FAM114A1: variants seen among roughly 807,000 people sequenced by gnomAD.
FAM114A1 encodes the protein family with sequence similarity 114 member A1.
In FAM114A1, 62 loss-of-function variants were observed where a neutral mutation model predicts 64.3. The ratio of observed to expected loss-of-function variants is 0.96; its 90% confidence interval spans 0.79 to 1.19. The LOEUF (loss-of-function observed/expected upper bound fraction) is 1.19. Ranked by LOEUF, FAM114A1 falls within the 50% of genes most tolerant of loss-of-function variation. FAM114A1 has a pLI of 0.00. For missense variants in FAM114A1, 645 were observed against 676.3 expected (o/e 0.95, Z 0.51); for synonymous variants, 254 against 251.1 (o/e 1.01, Z -0.11).
intron 7 of FAM114A1, 123 bp downstream of exon 7, chr4:38,908,849 G>A: frequency 1.9e-6 from 2 of 1,044,846 alleles, no homozygotes; most frequent in Non-Finnish European, 2.6e-6. Flanking sequence ...AAAGAGCAGA[G>A]AGAGAAAACT....
chr4:38,936,895 A>G (rs1560335946), intron 13 of FAM114A1, among the ~76,000 whole-genome samples: 2 of 152,212 alleles, frequency 1.3e-5, no homozygotes, highest in Admixed American at 6.5e-5. Context: ...GACTTTAACC[A>G]AAAGAAAAAA....
chr4:38,943,391 T>A, intron 14 of FAM114A1, 65 bp from the exon 15 acceptor site: 1 of 1,343,688 alleles, frequency 7.4e-7, no homozygotes, highest in Non-Finnish European at 1.1e-6. Flanking sequence ...CATTATCCAA[T>A]TGGAAGTATT....
intron 6 of FAM114A1, among the ~76,000 whole-genome samples, chr4:38,906,645 C>A (rs1390753835): frequency 6.6e-6 from 1 of 152,110 alleles, no homozygotes; most frequent in Non-Finnish European, 1.5e-5. Flanking sequence ...AGTGATTCTC[C>A]CACCTCAGCC....
intron 4 of FAM114A1, among the ~76,000 whole-genome samples, chr4:38,903,145 C>T (rs1717668401): frequency 6.6e-6 from 1 of 152,036 alleles, no homozygotes; most frequent in Non-Finnish European, 1.5e-5. Context: ...GAACAGCAGC[C>T]TATTTTGATG....
At chr4:38,877,952 G>A (rs575987123) in intron 2 of FAM114A1, 119 bp from the exon 3 acceptor site, 202 of 799,854 alleles carry the variant, frequency 2.5e-4, no homozygotes, top group Non-Finnish European at 3.6e-4. Flanking sequence ...CAACAAGAGC[G>A]AAACTCCGTC....
At chr4:38,927,505 C>G (rs1720231647) in intron 9 of FAM114A1, among the ~76,000 whole-genome samples, 1 of 152,072 alleles carries the variant, frequency 6.6e-6, no homozygotes, top group Admixed American at 6.6e-5. Context: ...CCCCCAAAGC[C>G]TCACCTCCTA....
Position 38,936,577 on chromosome 4 carries a change from G to C in FAM114A1, c.1536+787G>C, listed in dbSNP as rs181127911. On this transcript the variant is annotated intron_variant, in intron 13 of 14. Coordinates refer to ENST00000358869, the MANE Select transcript of FAM114A1 (RefSeq NM_138389.4). The stretch of plus-strand genomic sequence containing the variant: ...TTTTTTTTTTTTTTTTTTTGAGACT[G>C]AGTCTCGCCCTGTCGCCCAGCCTGG... Among the ~76,000 whole-genome samples, 1,041 of 117,402 alleles carry C rather than the reference G, an allele frequency of 8.9e-3. 5 individuals are homozygous for C. The highest frequency in any genetic ancestry group is 0.055 in the Middle Eastern group (7 of 128). The allele number at this position is 117,402 out of a possible 152,430, so 77.0% of individuals were successfully genotyped here.
chr4:38,929,054 G>A (rs552397868), intron 9 of FAM114A1, 188 bp from the exon 10 acceptor site: 31 of 571,124 alleles, frequency 5.4e-5, no homozygotes, highest in East Asian at 1.9e-4. Context: ...CCCTGCACCC[G>A]GATGCATCTG....
At chr4:38,869,106 A>G (rs1471290109) in intron 2 of FAM114A1, among the ~76,000 whole-genome samples, 1 of 152,212 alleles carries the variant, frequency 6.6e-6, no homozygotes, top group African/African-American at 2.4e-5. Flanking sequence ...AACACAATGT[A>G]TTTCAATTCA....
chr4:38,871,110 G>T (rs1473388180), intron 2 of FAM114A1, among the ~76,000 whole-genome samples: 8 of 104,522 alleles, frequency 7.7e-5, no homozygotes, highest in African/African-American at 4.0e-5. Flanking sequence ...TTTTTTTTGC[G>T]ACAGGGTCTC....
At chr4:38,888,470 C>CATA (rs1716028694) in intron 3 of FAM114A1, among the ~76,000 whole-genome samples, 2 of 152,082 alleles carry the variant, frequency 1.3e-5, no homozygotes, top group Non-Finnish European at 2.9e-5. Context: ...ATGTAGTGAG[C>CATA]TATTATCATA....
At chr4:38,899,866 T>C (rs184320154) in intron 4 of FAM114A1, among the ~76,000 whole-genome samples, 33 of 152,316 alleles carry the variant, frequency 2.2e-4, no homozygotes, top group Non-Finnish European at 4.3e-4. Context: ...AAGTAAATAT[T>C]AATTACTATC....
intron 10 of FAM114A1, among the ~76,000 whole-genome samples, chr4:38,930,098 A>T (rs1416460812): frequency 1.3e-5 from 2 of 152,144 alleles, no homozygotes; most frequent in Non-Finnish European, 2.9e-5. Context: ...GGTAAACCCC[A>T]CAGTTCCTCC....
intron 3 of FAM114A1, among the ~76,000 whole-genome samples, chr4:38,880,847 T>C (rs191966674): frequency 6.6e-6 from 1 of 152,318 alleles, no homozygotes; most frequent in East Asian, 1.9e-4. Context: ...TCCATATACA[T>C]TCCAATTTCA....
At chr4:38,927,487 T>C (rs1197513584) in intron 9 of FAM114A1, among the ~76,000 whole-genome samples, 1 of 152,102 alleles carries the variant, frequency 6.6e-6, no homozygotes, top group Non-Finnish European at 1.5e-5. Context: ...CTTCATGATC[T>C]AATCACACCC....
At chr4:38,882,156 C>CA (rs1163496016) in intron 3 of FAM114A1, among the ~76,000 whole-genome samples, 1 of 147,998 alleles carries the variant, frequency 6.8e-6, no homozygotes, top group Admixed American at 6.7e-5. Flanking sequence ...ACTAAAAATA[C>CA]AAAAAATTAG....
intron 4 of FAM114A1, among the ~76,000 whole-genome samples, chr4:38,904,156 C>T (rs1717772606): frequency 6.6e-6 from 1 of 152,146 alleles, no homozygotes; most frequent in Admixed American, 6.5e-5. Flanking sequence ...TGAGGTCACC[C>T]AGGTCCCGAG....
intron 3 of FAM114A1, among the ~76,000 whole-genome samples, chr4:38,885,518 C>T (rs976299747): frequency 5.3e-5 from 8 of 152,156 alleles, no homozygotes; most frequent in Non-Finnish European, 8.8e-5. Context: ...CTCAAGTGAT[C>T]CTCCTGCCTC....
chr4:38,926,008 A>T (rs954133469), intron 9 of FAM114A1, among the ~76,000 whole-genome samples: 1 of 152,154 alleles, frequency 6.6e-6, no homozygotes, highest in Non-Finnish European at 1.5e-5. Context: ...TAATCTCCCT[A>T]TGTTTGTATC....
Sources: allele counts gnomAD v4.1 joint callset (sites outside exome capture counted in the v4.1 genomes callset), GRCh38; gene constraint gnomAD v4.1.1; transcripts MANE v1.5; gene names NCBI Gene and HGNC (gene_info 2026-07-23, HGNC 2026-07-21).